SPATA16: variants seen among roughly 807,000 people sequenced by gnomAD.
The protein encoded by SPATA16 is spermatogenesis associated 16.
SPATA16 carries 36 observed loss-of-function variants against 63.3 expected under a neutral mutation model. That is an observed-to-expected ratio of 0.57 (90% CI 0.44 to 0.75). The LOEUF (loss-of-function observed/expected upper bound fraction) is 0.75, where lower values mean the gene tolerates loss of function less well. Ranked by LOEUF, SPATA16 falls within the 30% of genes least tolerant of loss-of-function variation. SPATA16 has a pLI of 0.00. For missense variants in SPATA16, 646 were observed against 679.3 expected (o/e 0.95, Z 0.54); for synonymous variants, 203 against 216.7 (o/e 0.94, Z 0.56).
At chr3:173,099,195 G>A (rs1416133802) in intron 2 of SPATA16, among the ~76,000 whole-genome samples, 1 of 151,892 alleles carries the variant, frequency 6.6e-6, no homozygotes, top group Non-Finnish European at 1.5e-5. Flanking sequence ...ATCATCACAA[G>A]AAGGATGAGT....
intron 10 of SPATA16, among the ~76,000 whole-genome samples, chr3:172,897,653 C>T (rs1264651215): frequency 6.6e-6 from 1 of 151,974 alleles, no homozygotes; most frequent in Non-Finnish European, 1.5e-5. Flanking sequence ...CCTTGCTGAA[C>T]TCATTTTTTT....
chr3:173,094,677 G>GTTTTTTTTTTTTT (rs57224552), intron 2 of SPATA16, among the ~76,000 whole-genome samples: 1 of 115,736 alleles, frequency 8.6e-6, no homozygotes, highest in Non-Finnish European at 1.8e-5. Context: ...TATGGGAGTT[G>GTTTTTTTTTTTTT]TTTTTTTTTT....
At chr3:172,946,865 G>A (rs1733302631) in intron 6 of SPATA16, among the ~76,000 whole-genome samples, 1 of 152,218 alleles carries the variant, frequency 6.6e-6, no homozygotes, top group African/African-American at 2.4e-5. Context: ...TAGCCAGGTA[G>A]TGACTGGGTG....
chr3:173,086,135 G>A (rs550753924), intron 2 of SPATA16, among the ~76,000 whole-genome samples: 1 of 152,200 alleles, frequency 6.6e-6, no homozygotes, highest in South Asian at 2.1e-4. Context: ...GGTACCTCTG[G>A]TAGAATTCAG....
At chr3:173,028,288 G>A (rs1034448674) in intron 3 of SPATA16, among the ~76,000 whole-genome samples, 3 of 151,530 alleles carry the variant, frequency 2.0e-5, no homozygotes, top group African/African-American at 4.8e-5. Flanking sequence ...TAATTTCAGC[G>A]AATCATGATA....
rs564868007 is a variant in SPATA16, at chr3:172,988,359, C to T, written c.849-11307G>A. 1.3e-3 allele frequency among the ~76,000 whole-genome samples: 198 copies of T among 152,288 alleles called. 1 individual carries two copies. In the South Asian group the frequency reaches 0.015, roughly 11 times the overall value. ...GCTGAGTAGAATCAGGTTTCCTTTT[C>T]GGTGTTTCTCAACTGCAGTCACTCT... is the stretch of plus-strand genomic sequence containing the variant. On this transcript the variant is annotated intron_variant, in intron 4 of 10. Transcript: ENST00000351008.
At chr3:173,133,913 A>C (rs1738454495) in intron 1 of SPATA16, among the ~76,000 whole-genome samples, 1 of 152,192 alleles carries the variant, frequency 6.6e-6, no homozygotes, top group Admixed American at 6.5e-5. Context: ...CATTCTTTTC[A>C]AGTGTACCTG....
At chr3:173,067,708 T>C (rs1471393954) in intron 2 of SPATA16, among the ~76,000 whole-genome samples, 1 of 120,646 alleles carries the variant, frequency 8.3e-6, no homozygotes, top group Non-Finnish European at 1.6e-5. Flanking sequence ...TTTGAAGGAA[T>C]AATAACAGAA....
chr3:173,094,485 A>G (rs1737300899), intron 2 of SPATA16, among the ~76,000 whole-genome samples: 3 of 152,168 alleles, frequency 2.0e-5, no homozygotes, highest in South Asian at 2.1e-4. Context: ...GCCAAAATGT[A>G]CAAGGAGAGA....
At chr3:173,072,893 C>T (rs1698737630) in intron 2 of SPATA16, among the ~76,000 whole-genome samples, 1 of 152,170 alleles carries the variant, frequency 6.6e-6, no homozygotes, top group Non-Finnish European at 1.5e-5. Flanking sequence ...TTTGGAACTT[C>T]CTAGAGACTT....
chr3:173,038,863 C>A (rs1426232637), intron 3 of SPATA16, among the ~76,000 whole-genome samples: 1 of 152,114 alleles, frequency 6.6e-6, no homozygotes, highest in Non-Finnish European at 1.5e-5. Context: ...TCTGTAATAT[C>A]ATTTGACACC....
intron 6 of SPATA16, among the ~76,000 whole-genome samples, chr3:172,932,392 AG>A (rs1732892031): frequency 6.6e-6 from 1 of 152,168 alleles, no homozygotes; most frequent in South Asian, 2.1e-4. Context: ...TCTGACATTT[AG>A]GTTAAAGCAA....
chr3:173,086,931 G>C (rs184671537), intron 2 of SPATA16, among the ~76,000 whole-genome samples: 179 of 152,260 alleles, frequency 1.2e-3, no homozygotes, highest in Non-Finnish European at 2.0e-3. Flanking sequence ...ATTTGCTGAG[G>C]AGTGTTTTAT....
intron 1 of SPATA16, among the ~76,000 whole-genome samples, chr3:173,128,952 C>T (rs571115562): frequency 2.0e-5 from 3 of 152,230 alleles, no homozygotes; most frequent in Non-Finnish European, 4.4e-5. Context: ...TGGGCTTCCA[C>T]GGATGAAGCA....
chr3:172,992,768 C>T (rs919897367), intron 4 of SPATA16, among the ~76,000 whole-genome samples: 6 of 152,198 alleles, frequency 3.9e-5, no homozygotes, highest in Non-Finnish European at 5.9e-5. Context: ...GATCCATTTT[C>T]GCTCTTCCTG....
intron 8 of SPATA16, among the ~76,000 whole-genome samples, chr3:172,919,683 ATT>A (rs377328006): frequency 1.4e-5 from 2 of 145,096 alleles, no homozygotes; most frequent in South Asian, 2.2e-4. Flanking sequence ...TTAATTCTTT[ATT>A]TTTTTTTTTT....
intron 6 of SPATA16, among the ~76,000 whole-genome samples, chr3:172,926,304 G>A (rs1476757404): frequency 6.6e-6 from 1 of 152,158 alleles, no homozygotes; most frequent in Non-Finnish European, 1.5e-5. Flanking sequence ...ATTGTAATTA[G>A]ACTTGGAAAT....
At chr3:173,052,111 G>A (rs1287678689) in intron 2 of SPATA16, among the ~76,000 whole-genome samples, 1 of 152,134 alleles carries the variant, frequency 6.6e-6, no homozygotes, top group East Asian at 1.9e-4. Flanking sequence ...GTGGGATAAT[G>A]TGGAAGTCAT....
intron 4 of SPATA16, among the ~76,000 whole-genome samples, chr3:172,981,629 TC>T (rs1162323256): frequency 1.3e-5 from 2 of 152,210 alleles, no homozygotes; most frequent in African/African-American, 4.8e-5. Context: ...TTTGTATGTG[TC>T]ATTTTCTCAG....
Sources: gnomAD v4.1 joint callset for allele counts (sites outside exome capture counted in the v4.1 genomes callset) on GRCh38, gnomAD v4.1.1 for gene constraint, MANE v1.5 for transcripts, NCBI Gene and HGNC (gene_info 2026-07-23, HGNC 2026-07-21) for gene names.